The following NPAS2 variants were observed in gnomAD, a reference collection of about 807,000 sequenced individuals.
NPAS2 encodes the protein neuronal PAS domain-containing protein 2.
NPAS2 carries 23 observed loss-of-function variants against 107.5 expected under a neutral mutation model. The ratio of observed to expected loss-of-function variants is 0.21; its 90% CI spans 0.15 to 0.30. The LOEUF is 0.30. Ranked by LOEUF, NPAS2 falls within the 10% of genes least tolerant of loss-of-function variation. NPAS2 has a pLI of 1.00. For synonymous variants in NPAS2, 403 were observed against 417.5 expected (o/e 0.97, Z 0.42); for missense variants, 756 against 1,043.3 (o/e 0.72, Z 3.79).
intron 2 of NPAS2, among the ~76,000 whole-genome samples, chr2:100,913,174 A>G (rs1461923178): frequency 6.6e-6 from 1 of 152,180 alleles, no homozygotes; most frequent in African/African-American, 2.4e-5. Flanking sequence ...GAGACCCTCC[A>G]AGGGCAAGAA....
intron 1 of NPAS2, chr2:100,878,131 G>A (rs1680103291): frequency 1.0e-6 from 1 of 985,302 alleles, no homozygotes; most frequent in South Asian, 4.7e-5. Context: ...GCTGAGACAA[G>A]CAGCCTGTGA....
At position 100,971,043 on chromosome 2, in the gene NPAS2, C is replaced by A. The variant is rs1444196452; in HGVS notation, c.1109C>A (p.Pro370Gln). 6.2e-7 allele frequency: 1 copy of A among 1,614,188 alleles called. No homozygotes were observed. The highest frequency in any genetic ancestry group is 8.5e-7 in the Non-Finnish European group (1 of 1,180,028). The change falls in exon 12 of 21, where the codon CCA becomes CAA. Residue 370 changes from proline (P) to glutamine (Q), a missense_variant. Pro to Gln is a moderately conservative substitution (Grantham distance 76). Coordinates refer to ENST00000335681, the MANE Select transcript of NPAS2 (RefSeq NM_002518.4). ...CAGGAGCTGGCTCTGGAAGACCCGC[C>A]ATCCGAGGCCCTCCACTCCTCAGCA... ...RRQELALEDP[P>Q]SEALHSSALK...
intron 2 of NPAS2, among the ~76,000 whole-genome samples, chr2:100,918,594 T>C (rs2104853092): frequency 6.6e-6 from 1 of 152,264 alleles, no homozygotes; most frequent in East Asian, 1.9e-4. Flanking sequence ...GCAAAAGATA[T>C]GAACAGATGC....
chr2:100,921,085 C>G (rs73967699), intron 2 of NPAS2, among the ~76,000 whole-genome samples: 1,696 of 152,300 alleles, frequency 0.011, 45 homozygotes, highest in African/African-American at 0.039. Flanking sequence ...GTTCTGTGTT[C>G]CCAGAACACT....
At chr2:100,982,493 C>T (rs1558938582) in intron 16 of NPAS2, 116 bp downstream of exon 16, 4 of 1,222,898 alleles carry the variant, frequency 3.3e-6, no homozygotes, top group Admixed American at 4.9e-5. Context: ...CTGCCAAGCC[C>T]CATTTGCTTA....
rs545189227 is a variant in NPAS2, at chr2:100,968,920, G to A, written c.1055+492G>A. Among the ~76,000 whole-genome samples the A allele has an allele frequency of 3.5e-4, 53 of 152,314 alleles. No individual in the cohort carries two copies. In the South Asian group the frequency reaches 0.011, roughly 30 times the overall value. ...GAAAACAGCCTGGCTGCCAGTGGGCGCGGGTTCCTGGGAGGTCCCTGCTGG... is the reference window on the plus strand; with the variant it reads ...GAAAACAGCCTGGCTGCCAGTGGGCACGGGTTCCTGGGAGGTCCCTGCTGG... On this transcript the variant is annotated intron_variant, in intron 11 of 20. Transcript: ENST00000335681. The surrounding 1 kb of genome is among the most constrained non-coding windows in gnomAD (Gnocchi z 5.3).
intron 1 of NPAS2, among the ~76,000 whole-genome samples, chr2:100,879,379 A>G (rs1680192111): frequency 6.6e-6 from 1 of 152,158 alleles, no homozygotes; most frequent in African/African-American, 2.4e-5. Flanking sequence ...TTATTTAACA[A>G]CAGTTCCTAA....
chr2:100,920,438 G>A (rs1683147261), intron 2 of NPAS2, among the ~76,000 whole-genome samples: 1 of 152,078 alleles, frequency 6.6e-6, no homozygotes, highest in African/African-American at 2.4e-5. Flanking sequence ...GGTACTGGAA[G>A]GTAACCTGTG....
intron 1 of NPAS2, among the ~76,000 whole-genome samples, chr2:100,898,831 T>TGC (rs1681592288): frequency 1.3e-5 from 2 of 151,546 alleles, no homozygotes; most frequent in Non-Finnish European, 2.9e-5. Context: ...AAACACATTG[T>TGC]GCATATTACA....
intron 7 of NPAS2, among the ~76,000 whole-genome samples, chr2:100,950,407 A>C (rs1266705123): frequency 6.6e-6 from 1 of 152,222 alleles, no homozygotes; most frequent in Admixed American, 6.5e-5. Flanking sequence ...CAGAGAGCAG[A>C]TGATGACAGC....
intron 1 of NPAS2, among the ~76,000 whole-genome samples, chr2:100,863,458 C>T (rs1679063558): frequency 6.6e-6 from 1 of 152,150 alleles, no homozygotes. Context: ...TATCAGTGGC[C>T]ACACAGTCCG....
chr2:100,831,812 C>T (rs1429055665), intron 1 of NPAS2, among the ~76,000 whole-genome samples: 2 of 102,788 alleles, frequency 1.9e-5, no homozygotes, highest in African/African-American at 9.1e-5. Context: ...AAGCACGGGA[C>T]CCCTGGATTT....
chr2:100,941,572 T>A (rs1183756010), intron 5 of NPAS2, among the ~76,000 whole-genome samples: 2 of 151,636 alleles, frequency 1.3e-5, no homozygotes, highest in East Asian at 1.9e-4. Context: ...AAAAAAAAAA[T>A]AACAATAATA....
In NPAS2 at chr2:100,965,886, G is replaced by C. The variant is rs1676182069; in HGVS notation, c.907+120G>C. On this transcript the variant is annotated intron_variant, in intron 10 of 20. Coordinates refer to ENST00000335681, the MANE Select transcript of NPAS2 (RefSeq NM_002518.4). This position sits in a 1 kb window ranked among gnomAD's most constrained non-coding sequence, Gnocchi z 4.3. ...TTACCTGGTTTCTTTTTAAGGTGAG[G>C]AACTTGGTTTTCTCTGAGATGATCT... is the stretch of plus-strand genomic sequence containing the variant. 1.5e-6 allele frequency: 1 copy of C among 657,552 alleles called. No individual in the cohort carries two copies. Among genetic ancestry groups the C allele is most frequent in the East Asian group, 2.6e-5 (1 of 38,128 alleles). 40.7% of individuals were successfully genotyped at this position (657,552 alleles called of 1,614,324 possible).
intron 1 of NPAS2, among the ~76,000 whole-genome samples, chr2:100,892,000 C>T (rs2104701561): frequency 1.3e-5 from 2 of 152,300 alleles, no homozygotes; most frequent in South Asian, 4.1e-4. Flanking sequence ...TCGTAAATCT[C>T]CTTTTCCCCT....
intron 1 of NPAS2, among the ~76,000 whole-genome samples, chr2:100,894,242 A>C (rs916165513): frequency 1.3e-5 from 2 of 152,216 alleles, no homozygotes; most frequent in Admixed American, 1.3e-4. Context: ...TGCTTCAGTT[A>C]GAGTCAACAG....
chr2:100,832,418 A>T (rs963764637), intron 1 of NPAS2, among the ~76,000 whole-genome samples: 1 of 152,178 alleles, frequency 6.6e-6, no homozygotes, highest in Non-Finnish European at 1.5e-5. Context: ...TCCTCAGCCA[A>T]GGCCTGCTGC....
chr2:100,917,291 C>A (rs938980890), intron 2 of NPAS2, among the ~76,000 whole-genome samples: 1 of 152,084 alleles, frequency 6.6e-6, no homozygotes, highest in Non-Finnish European at 1.5e-5. Flanking sequence ...GGTTGAGAGG[C>A]CAAGGTAAGG....
intron 5 of NPAS2, among the ~76,000 whole-genome samples, chr2:100,942,183 TACAAGCCC>T (rs1432777543): frequency 6.6e-6 from 1 of 152,000 alleles, no homozygotes. Context: ...GCTCGCCAGG[TACAAGCCC>T]CAGCGAGAAG....
Sources: gnomAD v4.1 joint callset for allele counts (sites outside exome capture counted in the v4.1 genomes callset) on GRCh38, gnomAD v4.1.1 for gene constraint, Gnocchi (gnomAD v3.1) non-coding constraint, MANE v1.5 for transcripts, NCBI Gene and HGNC (gene_info 2026-07-23, HGNC 2026-07-21) for gene names.